The following CTPS2 variants were observed in gnomAD, a reference collection of about 807,000 sequenced individuals.
CTPS2 encodes CTP synthase II.
CTPS2 carries 19 observed loss-of-function variants against 46.8 expected under a neutral mutation model. That is an observed-to-expected ratio of 0.41 (90% CI 0.28 to 0.60). The LOEUF is 0.60. Among genes scored for constraint, CTPS2 ranks in the 20% least tolerant of loss-of-function variants. The pLI is 0.35. For synonymous variants in CTPS2, 151 were observed against 165.2 expected (o/e 0.91, Z 0.66); for missense variants, 286 against 447.6 (o/e 0.64, Z 3.26).
In CTPS2 at chrX:16,672,742, G is replaced by A. The variant is rs186613341; in HGVS notation, c.1095-2068C>T. On this transcript the variant is annotated intron_variant, in intron 10 of 18. Transcript: ENST00000359276. ...AGGGAACCCAGAAGCCTAGCATACCGACAAAAGGGTAAGAATTTCTTACCA... is the reference window on the plus strand; with the variant it reads ...AGGGAACCCAGAAGCCTAGCATACCAACAAAAGGGTAAGAATTTCTTACCA... 6.2e-3 allele frequency among the ~76,000 whole-genome samples: 692 copies of A among 111,048 alleles called. 5 individuals carry two copies. Among genetic ancestry groups the A allele is most frequent in the African/African-American group, 0.022 (671 of 30,566 alleles).
At chrX:16,662,356 C>T (rs942668131) in intron 13 of CTPS2, among the ~76,000 whole-genome samples, 16 of 111,572 alleles carry the variant, frequency 1.4e-4, no homozygotes, top group Non-Finnish European at 2.4e-4. Context: ...CACTCTGAGA[C>T]GCAGAAAGAG....
At chrX:16,632,065 C>T (rs1351758626) in intron 14 of CTPS2, among the ~76,000 whole-genome samples, 12 of 111,342 alleles carry the variant, frequency 1.1e-4, no homozygotes, top group Non-Finnish European at 1.1e-4. Flanking sequence ...TTTCAAAAAT[C>T]GTCTAATGAG....
chrX:16,691,629 G>A lies in CTPS2; in HGVS notation c.640-9C>T. ...GAACTTCGGCAGACAATCTGTCAAAGCCAGTTATGCTTCAGCAAACAGGAT... is the reference window on the plus strand; with the variant it reads ...GAACTTCGGCAGACAATCTGTCAAAACCAGTTATGCTTCAGCAAACAGGAT... On this transcript the variant is annotated splice_polypyrimidine_tract_variant and intron_variant, in intron 6 of 18. Transcript: ENST00000359276. 8.4e-7 allele frequency: 1 copy of A among 1,187,505 alleles called. No individual in the cohort carries two copies. The highest frequency in any genetic ancestry group is 1.1e-6 in the Non-Finnish European group (1 of 873,908).
At chrX:16,664,611 A>C (rs1438878606) in intron 13 of CTPS2, among the ~76,000 whole-genome samples, 1 of 112,137 alleles carries the variant, frequency 8.9e-6, no homozygotes, top group Non-Finnish European at 1.9e-5. Context: ...TATGTAAAAA[A>C]TGGGAAGATG....
At chrX:16,599,009 C>T in intron 17 of CTPS2, among the ~76,000 whole-genome samples, 1 of 111,935 alleles carries the variant, frequency 8.9e-6, no homozygotes, top group Non-Finnish European at 1.9e-5. Context: ...AATTCAACAA[C>T]CCTTCATGCT....
intron 17 of CTPS2, among the ~76,000 whole-genome samples, chrX:16,600,178 G>C (rs1360236136): frequency 9.0e-6 from 1 of 111,613 alleles, no homozygotes; most frequent in Non-Finnish European, 1.9e-5. Flanking sequence ...GATATTCCAA[G>C]GTGCTAGGGA....
intron 13 of CTPS2, chrX:16,651,183 TGGGAGGGGAGGGA>T: frequency 1.1e-4 from 28 of 262,031 alleles, no homozygotes; most frequent in Non-Finnish European, 1.7e-4. Flanking sequence ...GGACTGATGG[TGGGAGGGGAGGGA>T]GGGAGGGGAG....
chrX:16,663,990 C>A (rs966482162), intron 13 of CTPS2, among the ~76,000 whole-genome samples: 22 of 110,758 alleles, frequency 2.0e-4, no homozygotes, highest in African/African-American at 6.9e-4. Flanking sequence ...CGCGTGCCAC[C>A]ACGCCCAGCT....
At chrX:16,591,146 ATCT>A (rs776741774) in intron 17 of CTPS2, 63 of 210,506 alleles carry the variant, frequency 3.0e-4, no homozygotes, top group African/African-American at 1.8e-3. Flanking sequence ...GAAATTTATA[ATCT>A]TCTGAAGACC....
intron 4 of CTPS2, 97 bp from the exon 5 acceptor site, chrX:16,693,584 G>C (rs1923873491): frequency 3.5e-6 from 2 of 575,987 alleles, no homozygotes; most frequent in Non-Finnish European, 5.8e-6. Flanking sequence ...CCGAGCATGA[G>C]AACTAAAGTT....
chrX:16,631,260 A>C (rs1460943189), intron 14 of CTPS2, among the ~76,000 whole-genome samples: 1 of 110,002 alleles, frequency 9.1e-6, no homozygotes, highest in East Asian at 2.9e-4. Flanking sequence ...AGATAGGAGA[A>C]TTGCTTGAAC....
At chrX:16,591,416 A>G (rs1336683052) in intron 17 of CTPS2, among the ~76,000 whole-genome samples, 1 of 111,410 alleles carries the variant, frequency 9.0e-6, no homozygotes, top group Non-Finnish European at 1.9e-5. Flanking sequence ...ATAACATAGC[A>G]TACGATATTA....
Position 16,660,434 on chromosome X carries a change from G to C in CTPS2, c.1296+7080C>G, listed in dbSNP as rs752878050. ...ATTTATTATTTTTTGAGACAGTCTT[G>C]CTCTGTCACCAGGCTGGAGTGCAGT... On this transcript the variant is annotated intron_variant, in intron 13 of 18. Coordinates refer to ENST00000359276, the MANE Select transcript of CTPS2 (RefSeq NM_175859.3). Among the ~76,000 whole-genome samples the C allele has an allele frequency of 7.4e-5, 8 of 107,905 alleles. No individual in the cohort carries two copies. The South Asian group carries it at 3.2e-3, about 43-fold the overall frequency. The allele number at this position is 107,905 out of a possible 115,157, so 93.7% of individuals were successfully genotyped here. A position where few individuals can be genotyped will look rare whatever the true frequency, so the allele number is the denominator to read the frequency against.
chrX:16,690,061 AAAG>A (rs928314443), intron 7 of CTPS2, among the ~76,000 whole-genome samples: 7 of 108,435 alleles, frequency 6.5e-5, no homozygotes, highest in Non-Finnish European at 1.1e-4. Flanking sequence ...CAAAAAAAAA[AAAG>A]AAGTGTACAC....
intron 13 of CTPS2, among the ~76,000 whole-genome samples, chrX:16,642,902 C>T (rs1363638201): frequency 8.9e-6 from 1 of 112,122 alleles, no homozygotes; most frequent in Non-Finnish European, 1.9e-5. Context: ...AAGGAAAACG[C>T]ATCTTCCATT....
At chrX:16,687,917 G>C (rs1053752455) in intron 8 of CTPS2, among the ~76,000 whole-genome samples, 2 of 110,904 alleles carry the variant, frequency 1.8e-5, no homozygotes, top group African/African-American at 6.6e-5. Flanking sequence ...CCACTAGGTA[G>C]GCACTGGTAT....
chrX:16,694,509 G>A (rs1923962666), intron 4 of CTPS2, among the ~76,000 whole-genome samples: 1 of 112,256 alleles, frequency 8.9e-6, no homozygotes, highest in Admixed American at 9.5e-5. Context: ...AGCACAAGTT[G>A]CCTCTATTTC....
intron 13 of CTPS2, among the ~76,000 whole-genome samples, chrX:16,647,885 C>A (rs1191392005): frequency 9.1e-6 from 1 of 110,388 alleles, no homozygotes; most frequent in African/African-American, 3.3e-5. Context: ...AGTTGGAGAC[C>A]ATCCTGGGCA....
At chrX:16,666,136 A>G in intron 13 of CTPS2, among the ~76,000 whole-genome samples, 2 of 112,128 alleles carry the variant, frequency 1.8e-5, no homozygotes, top group South Asian at 7.3e-4. Flanking sequence ...CGCGATTGTG[A>G]GGCGCGAGCT....
Sources: gnomAD v4.1 joint callset for allele counts (sites outside exome capture counted in the v4.1 genomes callset) on GRCh38, gnomAD v4.1.1 for gene constraint, MANE v1.5 for transcripts, NCBI Gene and HGNC (gene_info 2026-07-23, HGNC 2026-07-21) for gene names.